FILIP1: variants seen among roughly 807,000 people sequenced by gnomAD.
The protein encoded by FILIP1 is filamin A interacting protein 1.
In FILIP1, 61 loss-of-function variants were observed where a neutral mutation model predicts 102.1. The observed-to-expected ratio is 0.60, with a 90% CI of 0.49 to 0.74. The LOEUF is 0.74. Ranked by LOEUF, FILIP1 falls within the 30% of genes least tolerant of loss-of-function variation. The pLI is 0.00. For missense variants in FILIP1, 1,314 were observed against 1,441.2 expected (o/e 0.91, Z 1.43); for synonymous variants, 491 against 526.9 (o/e 0.93, Z 0.93).
intron 2 of FILIP1, among the ~76,000 whole-genome samples, chr6:75,400,642 T>G (rs1776624925): frequency 6.6e-6 from 1 of 152,024 alleles, no homozygotes; most frequent in Non-Finnish European, 1.5e-5. Context: ...CGCAGGAGCT[T>G]TGATCAATCT....
chr6:75,466,353 C>A (rs1245648340), intron 1 of FILIP1, among the ~76,000 whole-genome samples: 1 of 152,156 alleles, frequency 6.6e-6, no homozygotes, highest in Non-Finnish European at 1.5e-5. Flanking sequence ...TGATCAAGTG[C>A]CTGAACCAGT....
In FILIP1 at chr6:75,482,186, T is replaced by C. The variant is rs530041218; in HGVS notation, c.-7+11228A>G. Among the ~76,000 whole-genome samples, 5 of 152,208 alleles carry C rather than the reference T, an allele frequency of 3.3e-5. No individual in the cohort carries two copies. In the East Asian group the frequency reaches 9.7e-4, roughly 29 times the overall value. ...TTTATTCCCTGGAAGATGTGAATGG[T>C]GATGTAAATAATGGCATCATTGGAA... On this transcript the variant is annotated intron_variant, in intron 1 of 5. Transcript: ENST00000237172.
At chr6:75,432,035 T>C (rs1206962110) in intron 1 of FILIP1, among the ~76,000 whole-genome samples, 1 of 152,216 alleles carries the variant, frequency 6.6e-6, no homozygotes, top group Non-Finnish European at 1.5e-5. Flanking sequence ...GGTTTTCTAT[T>C]TCTCCATAGA....
chr6:75,414,766 A>G lies in FILIP1; in HGVS notation c.207T>C (p.Thr69=). 6.2e-7 allele frequency: 1 copy of G among 1,613,810 alleles called. No individual in the cohort carries two copies. Among genetic ancestry groups the G allele is most frequent in the Non-Finnish European group, 8.5e-7 (1 of 1,179,782 alleles). Residue 69 remains threonine, a synonymous_variant, in exon 2 of 6, where the codon ACT becomes ACC. Coordinates refer to ENST00000237172, the MANE Select transcript of FILIP1 (RefSeq NM_015687.5). ...LKTSGECERK[T]KKSLELSKED... is the part of the protein sequence containing the mutation. ...CTTTGGATAACTCCAGGGATTTCTTAGTTTTTCGTTCACATTCTCCAGATG... is the reference window on the plus strand; with the variant it reads ...CTTTGGATAACTCCAGGGATTTCTTGGTTTTTCGTTCACATTCTCCAGATG...
intron 1 of FILIP1, among the ~76,000 whole-genome samples, chr6:75,462,060 C>A (rs1162400546): frequency 6.6e-6 from 1 of 152,202 alleles, no homozygotes; most frequent in Non-Finnish European, 1.5e-5. Context: ...TCTTCCCACA[C>A]CCTTCAGTCT....
intron 3 of FILIP1, chr6:75,361,871 T>G (rs1775183196): frequency 6.6e-6 from 1 of 152,216 alleles, no homozygotes; most frequent in Admixed American, 6.5e-5. Context: ...AGAATAGAGC[T>G]CCAGTCTATT....
intron 1 of FILIP1, among the ~76,000 whole-genome samples, chr6:75,442,498 T>A (rs1778299564): frequency 6.6e-6 from 1 of 152,166 alleles, no homozygotes; most frequent in Non-Finnish European, 1.5e-5. Flanking sequence ...CCGTCTGCAA[T>A]CCCGGCACCT....
In FILIP1 at chr6:75,302,049, G is replaced by A. The variant is rs374805141; in HGVS notation, c.3494-6099C>T. ...GCCTTTGTGTTCTGCTGGGGGAGTC[G>A]GAAAGGGTGAGGAAAGGGCCATTTG... is the stretch of plus-strand genomic sequence containing the variant. On this transcript the variant is annotated intron_variant, in intron 6 of 6. Coordinates refer to the FILIP1 transcript ENST00000393004. Among the ~76,000 whole-genome samples, 49 of 152,122 alleles carry A rather than the reference G, an allele frequency of 3.2e-4. 1 individual carries two copies. The highest frequency in any genetic ancestry group is 1.0e-3 in the African/African-American group (42 of 41,482).
At chr6:75,352,453 T>C (rs564179290) in intron 4 of FILIP1, among the ~76,000 whole-genome samples, 5 of 152,170 alleles carry the variant, frequency 3.3e-5, no homozygotes, top group African/African-American at 7.2e-5. Flanking sequence ...AAGAAGAATG[T>C]ATTATAAAAT....
Position 75,313,947 on chromosome 6 carries a change from T to C in FILIP1, c.1885A>G (p.Ile629Val), listed in dbSNP as rs1773319033. The change falls in exon 5 of 6, where the codon ATT becomes GTT. Residue 629 changes from isoleucine to valine, a missense_variant. Around this residue, in one of 3 missense-constraint regions of FILIP1, gnomAD observed 816 missense variants for 913.1 expected, o/e 0.89. Transcript: ENST00000237172. The surrounding 1 kb of genome is among the most constrained non-coding windows in gnomAD (Gnocchi z 4.2). ...SELTCPEDNKIKELTLEIERL... is the reference protein window; with the variant it reads ...SELTCPEDNKVKELTLEIERL... ...TCAATTTCAAGTGTTAGTTCCTTAA[T>C]CTTATTATCTTCCGGGCAGGTGAGC... is the stretch of plus-strand genomic sequence containing the variant. 2 of 1,609,812 alleles carry C rather than the reference T, an allele frequency of 1.2e-6. No individual in the cohort carries two copies. The highest frequency in any genetic ancestry group is 1.7e-4 in the Middle Eastern group (1 of 6,024).
intron 2 of FILIP1, among the ~76,000 whole-genome samples, chr6:75,392,211 T>C (rs1776299508): frequency 6.6e-6 from 1 of 152,130 alleles, no homozygotes; most frequent in African/African-American, 2.4e-5. Flanking sequence ...GGACCTCTTA[T>C]CTTTTCTATC....
intron 4 of FILIP1, among the ~76,000 whole-genome samples, chr6:75,348,513 T>C (rs1774674704): frequency 6.6e-6 from 1 of 152,258 alleles, no homozygotes; most frequent in Non-Finnish European, 1.5e-5. Context: ...CACAGTTTGT[T>C]GACTTAGAAT....
chr6:75,370,022 T>A (rs568607783), intron 2 of FILIP1, among the ~76,000 whole-genome samples: 1 of 152,222 alleles, frequency 6.6e-6, no homozygotes, highest in Non-Finnish European at 1.5e-5. Context: ...TGACTTTAAA[T>A]GATAGATCCA....
intron 6 of FILIP1, chr6:75,296,831 C>A (rs907287497): frequency 1.3e-5 from 2 of 152,028 alleles, no homozygotes; most frequent in African/African-American, 4.8e-5. Flanking sequence ...TTACAACAGT[C>A]CAGCACATTA....
At chr6:75,406,070 G>A (rs552810131) in intron 2 of FILIP1, among the ~76,000 whole-genome samples, 1 of 152,082 alleles carries the variant, frequency 6.6e-6, no homozygotes, top group Admixed American at 6.6e-5. Context: ...CCCAAAGAAT[G>A]CCCTTTAGTC....
chr6:75,391,576 C>T (rs1477921617), intron 2 of FILIP1, among the ~76,000 whole-genome samples: 1 of 152,150 alleles, frequency 6.6e-6, no homozygotes, highest in Non-Finnish European at 1.5e-5. Flanking sequence ...TCTCCCCTAT[C>T]ACTAGAAGTA....
At chr6:75,404,166 G>A (rs1375826257) in intron 2 of FILIP1, among the ~76,000 whole-genome samples, 2 of 152,188 alleles carry the variant, frequency 1.3e-5, no homozygotes, top group African/African-American at 2.4e-5. Flanking sequence ...GAGCCCAGGA[G>A]TTGGAGGCTG....
At chr6:75,491,325 T>C (rs959077112) in intron 1 of FILIP1, among the ~76,000 whole-genome samples, 2 of 152,250 alleles carry the variant, frequency 1.3e-5, no homozygotes, top group Middle Eastern at 3.4e-3. Context: ...AGGGACCTTG[T>C]TGTTGAGTCA....
intron 1 of FILIP1, among the ~76,000 whole-genome samples, chr6:75,459,156 A>G (rs1342993256): frequency 6.6e-6 from 1 of 152,166 alleles, no homozygotes; most frequent in East Asian, 1.9e-4. Flanking sequence ...TAATGACACT[A>G]TACACTGTCT....
Sources: allele counts gnomAD v4.1 joint callset (sites outside exome capture counted in the v4.1 genomes callset), GRCh38; gene constraint gnomAD v4.1.1; regional missense constraint gnomAD v4.1.1; non-coding constraint Gnocchi (gnomAD v3.1); transcripts MANE v1.5; gene names NCBI Gene and HGNC (gene_info 2026-07-23, HGNC 2026-07-21).